KSR2: variants seen among roughly 807,000 people sequenced by gnomAD.
KSR2 encodes kinase suppressor of ras 2.
A neutral mutation model predicts 107.8 loss-of-function variants in KSR2; 25 were observed. The ratio of observed to expected loss-of-function variants is 0.23; its 90% CI spans 0.17 to 0.32. The LOEUF (loss-of-function observed/expected upper bound fraction) is 0.32. Ranked by LOEUF, KSR2 falls within the 10% of genes least tolerant of loss-of-function variation. The pLI, the probability that KSR2 is intolerant of heterozygous loss-of-function variation, is 1.00. For missense variants in KSR2, 887 were observed against 1,268.9 expected, an observed-to-expected ratio of 0.70 and a Z score of 4.57; for synonymous variants, 480 against 507.0, an observed-to-expected ratio of 0.95 and a Z score of 0.71.
At chr12:117,699,560 A>C (rs10850886) in intron 4 of KSR2, among the ~76,000 whole-genome samples, 16,986 of 152,226 alleles carry the variant, frequency 0.11, 1,193 homozygotes, top group East Asian at 0.27. Context: ...AATGCAATGT[A>C]ATTATTTGTG....
rs186518101 is a variant in KSR2 at position 117,871,078 on chromosome 12, G to A, written c.181-10647C>T. On this transcript the variant is annotated intron_variant, in intron 1 of 19. Transcript: ENST00000339824. ...CTGTCAGTTAACAGGGATATGCTTC[G>A]AGCCAAATGCTGTAATGAGCACGTT... is the stretch of plus-strand genomic sequence containing the variant. Among the ~76,000 whole-genome samples the A allele has an allele frequency of 1.9e-4, 29 of 152,268 alleles. 1 individual carries two copies. The highest frequency in any genetic ancestry group is 7.2e-4 in the Admixed American group (11 of 15,302).
At chr12:117,846,969 A>C (rs1472154341) in intron 3 of KSR2, among the ~76,000 whole-genome samples, 1 of 152,216 alleles carries the variant, frequency 6.6e-6, no homozygotes, top group African/African-American at 2.4e-5. Context: ...AGAATGAATG[A>C]ATGGAGCCAT....
chr12:117,564,599 A>G (rs890263577), intron 7 of KSR2, among the ~76,000 whole-genome samples: 2 of 152,230 alleles, frequency 1.3e-5, no homozygotes, highest in Non-Finnish European at 2.9e-5. Flanking sequence ...GGAACATCTC[A>G]TTCCCCCAAG....
At chr12:117,905,197 T>TAACAA (rs1378012238) in intron 1 of KSR2, among the ~76,000 whole-genome samples, 2 of 151,840 alleles carry the variant, frequency 1.3e-5, no homozygotes, top group East Asian at 3.9e-4. Context: ...TAACATAACA[T>TAACAA]AACAAAACAA....
intron 4 of KSR2, among the ~76,000 whole-genome samples, chr12:117,688,312 G>A (rs771636456): frequency 5.9e-5 from 9 of 152,172 alleles, no homozygotes; most frequent in African/African-American, 1.4e-4. Flanking sequence ...CCCGGGAGGC[G>A]GAGGTTGCAG....
chr12:117,696,451 T>A (rs1056712721), intron 4 of KSR2, among the ~76,000 whole-genome samples: 2 of 152,036 alleles, frequency 1.3e-5, no homozygotes, highest in African/African-American at 4.8e-5. Context: ...AAACTTGGAA[T>A]GTGTTTCACT....
chr12:117,664,023 T>C lies in KSR2; in HGVS notation c.1171+3451A>G, dbSNP rs562771970. 2.6e-5 allele frequency among the ~76,000 whole-genome samples: 4 copies of C among 152,336 alleles called. No individual in the cohort carries two copies. The South Asian group carries it at 8.3e-4, about 32-fold the overall frequency. Reference sequence around the variant, plus strand: ...GGTTCATTTGAGTCAATATCTCCCATGGTGAACAGAAGCGTCTGACGTCTT... The same window carrying C: ...GGTTCATTTGAGTCAATATCTCCCACGGTGAACAGAAGCGTCTGACGTCTT... On this transcript the variant is annotated intron_variant, in intron 5 of 19. Coordinates refer to ENST00000339824, the MANE Select transcript of KSR2 (RefSeq NM_173598.6).
rs949659361 is a variant in KSR2 at position 117,701,091 on chromosome 12, A to G, written c.987-33433T>C. On this transcript the variant is annotated intron_variant, in intron 4 of 19. Coordinates refer to ENST00000339824, the MANE Select transcript of KSR2 (RefSeq NM_173598.6). ...GGAGGAAAACTTTGTTTGTTTGTTT[A>G]TTTATTTATTTATTGAGACAGAGTC... 4.6e-5 allele frequency among the ~76,000 whole-genome samples: 7 copies of G among 151,986 alleles called. No homozygotes were observed. The East Asian group carries it at 5.8e-4, about 13-fold the overall frequency.
intron 3 of KSR2, among the ~76,000 whole-genome samples, chr12:117,841,916 CTCAA>C (rs1239886356): frequency 1.3e-5 from 2 of 152,256 alleles, no homozygotes; most frequent in East Asian, 3.8e-4. Flanking sequence ...CCAGTAAGAA[CTCAA>C]TCAATATTTG....
intron 3 of KSR2, among the ~76,000 whole-genome samples, chr12:117,778,353 A>AGTGCTGGGAT (rs1889768508): frequency 6.6e-6 from 1 of 152,106 alleles, no homozygotes; most frequent in South Asian, 2.1e-4. Context: ...GGCCTCTCAT[A>AGTGCTGGGAT]GTGCTGGGAT....
At chr12:117,496,759 T>C (rs1227153099) in intron 14 of KSR2, among the ~76,000 whole-genome samples, 2 of 152,254 alleles carry the variant, frequency 1.3e-5, no homozygotes, top group South Asian at 2.1e-4. Context: ...GGCCCTAAGT[T>C]TGAGGGCTTC....
At chr12:117,878,723 G>A (rs1893945340) in intron 1 of KSR2, among the ~76,000 whole-genome samples, 1 of 152,184 alleles carries the variant, frequency 6.6e-6, no homozygotes, top group African/African-American at 2.4e-5. Context: ...GGTAAGAGCA[G>A]ATGAATCTGG....
At chr12:117,549,605 G>A (rs1877142651) in intron 9 of KSR2, among the ~76,000 whole-genome samples, 1 of 151,966 alleles carries the variant, frequency 6.6e-6, no homozygotes, top group Admixed American at 6.6e-5. Flanking sequence ...AATGTGTGCT[G>A]GATGAAAGAA....
At chr12:117,768,432 C>G (rs982060147) in intron 3 of KSR2, among the ~76,000 whole-genome samples, 2 of 152,158 alleles carry the variant, frequency 1.3e-5, no homozygotes, top group African/African-American at 4.8e-5. Context: ...AGTGTGGGGA[C>G]TATATACCTG....
At chr12:117,650,540 T>C (rs1251937750) in intron 5 of KSR2, among the ~76,000 whole-genome samples, 1 of 152,206 alleles carries the variant, frequency 6.6e-6, no homozygotes, top group African/African-American at 2.4e-5. Context: ...CTGCTTAATA[T>C]GATTAGACCC....
intron 9 of KSR2, among the ~76,000 whole-genome samples, chr12:117,548,599 A>C (rs541821411): frequency 1.3e-5 from 2 of 152,148 alleles, no homozygotes; most frequent in Non-Finnish European, 2.9e-5. Flanking sequence ...GGGCATCAAC[A>C]GTTATATGTG....
chr12:117,928,672 G>A (rs751499653), intron 1 of KSR2, among the ~76,000 whole-genome samples: 55 of 152,096 alleles, frequency 3.6e-4, no homozygotes, highest in Non-Finnish European at 6.3e-4. Flanking sequence ...CAATTCTTTG[G>A]GGTATATACC....
At chr12:117,761,681 T>C (rs984917911) in intron 3 of KSR2, among the ~76,000 whole-genome samples, 157 bp from the exon 4 acceptor site, 50 of 152,116 alleles carry the variant, frequency 3.3e-4, no homozygotes, top group African/African-American at 1.2e-3. Flanking sequence ...ATGCATGTTA[T>C]CTCATATGCA....
chr12:117,763,738 T>C (rs1277057221), intron 3 of KSR2, among the ~76,000 whole-genome samples: 6 of 152,194 alleles, frequency 3.9e-5, no homozygotes, highest in African/African-American at 1.2e-4. Context: ...GAGGCATGGA[T>C]TGAATGTTCA....
Sources: allele counts gnomAD v4.1 joint callset (sites outside exome capture counted in the v4.1 genomes callset), GRCh38; gene constraint gnomAD v4.1.1; transcripts MANE v1.5; gene names NCBI Gene and HGNC (gene_info 2026-07-23, HGNC 2026-07-21).